ARHGAP15: variants seen among roughly 807,000 people sequenced by gnomAD.
ARHGAP15 encodes rho GTPase-activating protein 15.
ARHGAP15 carries 51 observed loss-of-function variants against 63.7 expected under a neutral mutation model. The ratio of observed to expected loss-of-function variants is 0.80; its 90% CI spans 0.64 to 1.01. The LOEUF (loss-of-function observed/expected upper bound fraction) is 1.01. ARHGAP15 is among the 50% of genes least tolerant of loss of function. ARHGAP15 has a pLI of 0.00. For missense variants in ARHGAP15, 560 were observed against 564.6 expected (o/e 0.99, Z 0.08); for synonymous variants, 191 against 193.8 (o/e 0.99, Z 0.12).
chr2:143,761,297 A>G (rs1162366249), intron 13 of ARHGAP15, among the ~76,000 whole-genome samples: 1 of 152,236 alleles, frequency 6.6e-6, no homozygotes, highest in Non-Finnish European at 1.5e-5. Flanking sequence ...TTTGCAAGCC[A>G]GGTGTGACCT....
chr2:143,715,007 G>A (rs1355938029), intron 13 of ARHGAP15, among the ~76,000 whole-genome samples: 4 of 151,868 alleles, frequency 2.6e-5, no homozygotes, highest in Non-Finnish European at 5.9e-5. Flanking sequence ...TTTCAGCAAC[G>A]CCCCACTCTA....
chr2:143,636,490 G>A (rs866890657), intron 12 of ARHGAP15, among the ~76,000 whole-genome samples: 1 of 152,104 alleles, frequency 6.6e-6, no homozygotes, highest in Non-Finnish European at 1.5e-5. Flanking sequence ...CTGTAAGCTT[G>A]GATTTGTGAT....
intron 6 of ARHGAP15, chr2:143,344,014 ACT>A: frequency 6.6e-6 from 1 of 152,174 alleles, no homozygotes; most frequent in Admixed American, 6.6e-5. Flanking sequence ...AAATATCAGC[ACT>A]CCCCACCACA....
In ARHGAP15 at chr2:143,703,472, C is replaced by T; in HGVS notation, c.1192C>T (p.Leu398Phe). The T allele has an allele frequency of 2.5e-6, 4 of 1,612,330 alleles. No homozygotes were observed. In the East Asian group the frequency reaches 6.7e-5, roughly 27 times the overall value. ...IEAVKSLVQK[L>F]PPPNRDTMKV... The stretch of plus-strand genomic sequence containing the variant: ...AGCTGTAAAATCTCTTGTACAAAAA[C>T]TCCCTCCGCCAAATCGTGACACCAT... The change falls in exon 13 of 14, where the codon CTC (leucine) becomes TTC (phenylalanine). Residue 398 changes from leucine to phenylalanine, a missense_variant. Transcript: ENST00000295095.
At chr2:143,622,248 C>A (rs1242542645) in intron 11 of ARHGAP15, among the ~76,000 whole-genome samples, 1 of 152,042 alleles carries the variant, frequency 6.6e-6, no homozygotes, top group Non-Finnish European at 1.5e-5. Flanking sequence ...GGGAAGAACA[C>A]CAGCTGTAGA....
At chr2:143,405,885 C>T (rs965365086) in intron 6 of ARHGAP15, among the ~76,000 whole-genome samples, 9 of 151,860 alleles carry the variant, frequency 5.9e-5, no homozygotes, top group Non-Finnish European at 1.0e-4. Context: ...GCCTTGAGGT[C>T]CACAGGACTT....
chr2:143,535,939 G>A (rs1014828527), intron 10 of ARHGAP15, among the ~76,000 whole-genome samples: 18 of 151,872 alleles, frequency 1.2e-4, no homozygotes, highest in African/African-American at 4.3e-4. Flanking sequence ...TTAAATTTGT[G>A]GATAATGTAT....
chr2:143,384,939 T>TAAGAC (rs956938346), intron 6 of ARHGAP15, among the ~76,000 whole-genome samples: 30 of 152,174 alleles, frequency 2.0e-4, no homozygotes, highest in African/African-American at 7.2e-4. Context: ...GAACACTGAA[T>TAAGAC]AAGACATTCC....
intron 5 of ARHGAP15, chr2:143,236,297 C>T (rs1693642191): frequency 1.9e-5 from 4 of 206,366 alleles, no homozygotes; most frequent in Middle Eastern, 1.8e-3. Flanking sequence ...TATTAGACAA[C>T]ATGCCATGGA....
chr2:143,729,856 G>C (rs930838119), intron 13 of ARHGAP15, among the ~76,000 whole-genome samples: 1 of 152,314 alleles, frequency 6.6e-6, no homozygotes, highest in Non-Finnish European at 1.5e-5. Flanking sequence ...ATCTTGACTA[G>C]TCTTCCATTT....
At chr2:143,673,473 T>G (rs1319934346) in intron 12 of ARHGAP15, among the ~76,000 whole-genome samples, 1 of 151,766 alleles carries the variant, frequency 6.6e-6, no homozygotes, top group Admixed American at 6.6e-5. Context: ...AATTTTTATA[T>G]TTTTAGTAGA....
intron 6 of ARHGAP15, among the ~76,000 whole-genome samples, chr2:143,304,969 T>C (rs1683100085): frequency 2.0e-5 from 3 of 152,044 alleles, no homozygotes; most frequent in African/African-American, 7.2e-5. Context: ...AGCAATCCCA[T>C]TACTAGGTAT....
In ARHGAP15 at chr2:143,250,529, G is replaced by C; in HGVS notation, c.403G>C (p.Glu135Gln). 6.2e-7 allele frequency: 1 copy of C among 1,613,384 alleles called. No homozygotes were observed. The highest frequency in any genetic ancestry group is 8.5e-7 in the Non-Finnish European group (1 of 1,179,482). The change falls in exon 6 of 14, where the codon GAA (glutamate) becomes CAA (glutamine). Residue 135 changes from glutamate to glutamine, a missense_variant. Transcript: ENST00000295095. ...ATTACAGAAAACTGGGCACAAACCA[G>C]AAAGTGTGGATTTGTGTGGAGCACA... is the stretch of plus-strand genomic sequence containing the variant. The part of the protein sequence containing the change: ...LSNMKTGHKP[E>Q]SVDLCGAHIE...
chr2:143,677,982 C>T (rs1443573857), intron 12 of ARHGAP15, among the ~76,000 whole-genome samples: 1 of 152,118 alleles, frequency 6.6e-6, no homozygotes, highest in Non-Finnish European at 1.5e-5. Flanking sequence ...CCAAGGCGGG[C>T]AGATCACTTG....
At chr2:143,496,999 A>G (rs575001827) in intron 9 of ARHGAP15, among the ~76,000 whole-genome samples, 1 of 152,286 alleles carries the variant, frequency 6.6e-6, no homozygotes, top group East Asian at 1.9e-4. Context: ...CCAGTTTGAA[A>G]TATTGTATTT....
chr2:143,309,007 C>T (rs1010695644), intron 6 of ARHGAP15, among the ~76,000 whole-genome samples: 1 of 145,424 alleles, frequency 6.9e-6, no homozygotes, highest in South Asian at 2.2e-4. Flanking sequence ...GGAGTTTATT[C>T]TGATAATATT....
intron 6 of ARHGAP15, among the ~76,000 whole-genome samples, chr2:143,357,143 G>T (rs1237521284): frequency 6.6e-6 from 1 of 152,126 alleles, no homozygotes; most frequent in Non-Finnish European, 1.5e-5. Context: ...ACTGACCAAT[G>T]TTGTAATTTA....
At chr2:143,469,180 T>C (rs1691395414) in intron 8 of ARHGAP15, among the ~76,000 whole-genome samples, 1 of 152,142 alleles carries the variant, frequency 6.6e-6, no homozygotes, top group Non-Finnish European at 1.5e-5. Flanking sequence ...CCTGAGAACC[T>C]GTAGTCGACC....
chr2:143,282,415 T>C (rs969522360), intron 6 of ARHGAP15, among the ~76,000 whole-genome samples: 2 of 152,074 alleles, frequency 1.3e-5, no homozygotes, highest in Non-Finnish European at 2.9e-5. Flanking sequence ...CTCACAATCA[T>C]GGCAGAAAGC....
Sources: allele counts gnomAD v4.1 joint callset (sites outside exome capture counted in the v4.1 genomes callset), GRCh38; gene constraint gnomAD v4.1.1; transcripts MANE v1.5; gene names NCBI Gene and HGNC (gene_info 2026-07-23, HGNC 2026-07-21).